SLC25A26: variants seen among roughly 807,000 people sequenced by gnomAD.
SLC25A26 encodes the protein solute carrier family 25 member 26.
Under a neutral mutation model 37.8 loss-of-function variants are expected in SLC25A26, and 36 were observed. That is an observed-to-expected ratio of 0.95 (90% CI 0.73 to 1.26). The LOEUF (loss-of-function observed/expected upper bound fraction) is 1.26. Ranked by LOEUF, SLC25A26 falls within the 50% of genes most tolerant of loss-of-function variation. The pLI is 0.00. For synonymous variants in SLC25A26, 129 were observed against 122.5 expected, an observed-to-expected ratio of 1.05 and a Z score of -0.35; for missense variants, 390 against 331.1, an observed-to-expected ratio of 1.18 and a Z score of -1.38.
chr3:66,296,322 C>T (rs1234724116), intron 5 of SLC25A26, among the ~76,000 whole-genome samples: 1 of 152,132 alleles, frequency 6.6e-6, no homozygotes, highest in Non-Finnish European at 1.5e-5. Context: ...ATAACAGATG[C>T]TTTTCCATGC....
chr3:66,145,746 A>G (rs748902710), intron 1 of SLC25A26, among the ~76,000 whole-genome samples: 3 of 152,230 alleles, frequency 2.0e-5, no homozygotes, highest in Non-Finnish European at 4.4e-5. Flanking sequence ...TTTCCCCACT[A>G]TTATGACAGT....
intron 5 of SLC25A26, among the ~76,000 whole-genome samples, chr3:66,294,676 C>T (rs1478742093): frequency 6.6e-6 from 1 of 152,058 alleles, no homozygotes; most frequent in African/African-American, 2.4e-5. Flanking sequence ...AGAATATCAG[C>T]ATTAAATAGA....
chr3:66,330,834 G>GA (rs2075957505), intron 5 of SLC25A26, among the ~76,000 whole-genome samples: 1 of 152,006 alleles, frequency 6.6e-6, no homozygotes, highest in African/African-American at 2.4e-5. Flanking sequence ...GATACTGGAA[G>GA]AACCACACTC....
intron 1 of SLC25A26, among the ~76,000 whole-genome samples, chr3:66,143,220 T>A (rs145816498): frequency 7.9e-5 from 12 of 152,328 alleles, no homozygotes; most frequent in African/African-American, 2.6e-4. Context: ...ATAACACAAT[T>A]TGTCTATCTA....
At chr3:66,231,052 G>A (rs915509839) in intron 1 of SLC25A26, among the ~76,000 whole-genome samples, 1 of 152,166 alleles carries the variant, frequency 6.6e-6, no homozygotes, top group Non-Finnish European at 1.5e-5. Flanking sequence ...GCATGTGCCT[G>A]TAGTCTCAGC....
intron 5 of SLC25A26, among the ~76,000 whole-genome samples, chr3:66,295,143 C>G (rs2074854213): frequency 6.6e-6 from 1 of 152,152 alleles, no homozygotes; most frequent in Admixed American, 6.5e-5. Flanking sequence ...ACAGGCATCA[C>G]TCATGTTTTG....
intron 5 of SLC25A26, among the ~76,000 whole-genome samples, chr3:66,309,466 G>C (rs2075315785): frequency 6.7e-6 from 1 of 149,956 alleles, no homozygotes; most frequent in African/African-American, 2.5e-5. Context: ...TGGATTCATT[G>C]ATTTTTTTTT....
intron 1 of SLC25A26, among the ~76,000 whole-genome samples, chr3:66,159,368 C>T (rs2070325901): frequency 6.6e-6 from 1 of 152,144 alleles, no homozygotes; most frequent in Non-Finnish European, 1.5e-5. Flanking sequence ...ATTTTCCCAC[C>T]AAGCCTGGTG....
chr3:66,200,060 A>G (rs1402785024), intron 1 of SLC25A26, among the ~76,000 whole-genome samples: 1 of 152,258 alleles, frequency 6.6e-6, no homozygotes, highest in Non-Finnish European at 1.5e-5. Context: ...CTTATTTTCA[A>G]ATATACTGCT....
chr3:66,185,059 A>G (rs891551014), intron 1 of SLC25A26, among the ~76,000 whole-genome samples: 9 of 152,208 alleles, frequency 5.9e-5, no homozygotes, highest in African/African-American at 2.2e-4. Flanking sequence ...ACCAATCTCC[A>G]GAACTCTTTT....
intron 1 of SLC25A26, among the ~76,000 whole-genome samples, chr3:66,189,417 C>T (rs1241882133): frequency 3.9e-5 from 6 of 152,038 alleles, no homozygotes; most frequent in Admixed American, 3.9e-4. Flanking sequence ...AGCTCACCAT[C>T]ATCATGACAT....
intron 1 of SLC25A26, among the ~76,000 whole-genome samples, chr3:66,204,151 C>T (rs2071143560): frequency 6.6e-6 from 1 of 152,078 alleles, no homozygotes; most frequent in African/African-American, 2.4e-5. Context: ...ATGGGCCGGG[C>T]GCGGTGGCTC....
intron 8 of SLC25A26, among the ~76,000 whole-genome samples, chr3:66,369,991 T>C (rs983997644): frequency 2.0e-5 from 3 of 152,094 alleles, no homozygotes; most frequent in Non-Finnish European, 4.4e-5. Flanking sequence ...AGATAGAGAG[T>C]TGAAAGAATG....
At chr3:66,165,477 T>C (rs149317442) in intron 1 of SLC25A26, among the ~76,000 whole-genome samples, 3,975 of 152,218 alleles carry the variant, frequency 0.026, 136 homozygotes, top group African/African-American at 0.076. Context: ...ATGCCTTAGT[T>C]TCCAGGCTCT....
intron 1 of SLC25A26, among the ~76,000 whole-genome samples, chr3:66,233,849 A>T (rs145878860): frequency 4.6e-5 from 7 of 152,286 alleles, no homozygotes; most frequent in African/African-American, 1.7e-4. Context: ...AATAATTGTG[A>T]TGAAAGAAGG....
rs139440276 is a variant in SLC25A26 at position 66,312,665 on chromosome 3, C to T, written c.454-33699C>T. Reference sequence around the variant, plus strand: ...AGGGAATCTCCTCGTCTGTGGGTTGCGAAGACTGTGGGAAAAGCATAGTAT... The same window carrying T: ...AGGGAATCTCCTCGTCTGTGGGTTGTGAAGACTGTGGGAAAAGCATAGTAT... On this transcript the variant is annotated intron_variant, in intron 5 of 9. Coordinates refer to ENST00000354883, the MANE Select transcript of SLC25A26 (RefSeq NM_001379210.1). 4.8e-3 allele frequency among the ~76,000 whole-genome samples: 732 copies of T among 152,220 alleles called. 4 individuals are homozygous for T. The highest frequency in any genetic ancestry group is 0.012 in the South Asian group (59 of 4,810).
chr3:66,299,272 A>G (rs1013920779), intron 5 of SLC25A26, among the ~76,000 whole-genome samples: 4 of 152,012 alleles, frequency 2.6e-5, no homozygotes, highest in African/African-American at 9.7e-5. Flanking sequence ...ACTCACTGCA[A>G]CCTCCGCCTC....
chr3:66,362,564 G>T (rs1474722201), intron 6 of SLC25A26, among the ~76,000 whole-genome samples: 1 of 152,216 alleles, frequency 6.6e-6, no homozygotes, highest in Non-Finnish European at 1.5e-5. Context: ...AAACTTGTGG[G>T]TCATGAGTCA....
At chr3:66,161,016 T>G (rs1455543199) in intron 1 of SLC25A26, among the ~76,000 whole-genome samples, 1 of 152,184 alleles carries the variant, frequency 6.6e-6, no homozygotes, top group Admixed American at 6.5e-5. Context: ...TCATTTTCTT[T>G]CCCCTCCTAA....
Sources: allele counts gnomAD v4.1 joint callset (sites outside exome capture counted in the v4.1 genomes callset), GRCh38; gene constraint gnomAD v4.1.1; transcripts MANE v1.5; gene names NCBI Gene and HGNC (gene_info 2026-07-23, HGNC 2026-07-21).